Variants in N4BP2 observed in about 807,000 individuals in gnomAD.
N4BP2 encodes NEDD4-binding protein 2.
Under a neutral mutation model 152.8 loss-of-function variants are expected in N4BP2, and 91 were observed. The observed-to-expected ratio is 0.60, with a 90% confidence interval of 0.50 to 0.71. N4BP2 has a LOEUF of 0.71. N4BP2 is among the 30% of genes least tolerant of loss of function. N4BP2 has a pLI of 0.00. For synonymous variants in N4BP2, 646 were observed against 705.3 expected, an observed-to-expected ratio of 0.92 and a Z score of 1.33; for missense variants, 1,923 against 2,059.1, an observed-to-expected ratio of 0.93 and a Z score of 1.28.
chr4:40,171,982 C>A, the N4BP2 span, among the ~76,000 whole-genome samples: 2 of 152,222 alleles, frequency 1.3e-5, no homozygotes. Context: ...TCTCAGCTCA[C>A]TGCAACCTCC....
At chr4:40,075,885 GCTTT>G (rs1712679188) in intron 2 of N4BP2, among the ~76,000 whole-genome samples, 1 of 152,144 alleles carries the variant, frequency 6.6e-6, no homozygotes, top group African/African-American at 2.4e-5. Flanking sequence ...GGAGTGCAGT[GCTTT>G]GATTACTGCC....
intron 1 of N4BP2, among the ~76,000 whole-genome samples, chr4:40,065,268 G>A (rs904975348): frequency 3.3e-5 from 5 of 152,174 alleles, no homozygotes; most frequent in African/African-American, 7.2e-5. Flanking sequence ...GCTATAGAGA[G>A]TCATTGAAGG....
chr4:40,127,134 C>T (rs1718481097), intron 12 of N4BP2, among the ~76,000 whole-genome samples: 1 of 151,590 alleles, frequency 6.6e-6, no homozygotes, highest in Admixed American at 6.6e-5. Flanking sequence ...AGTGATTCAC[C>T]TGCCTTGCCC....
At chr4:40,075,508 C>T (rs1285416508) in intron 2 of N4BP2, among the ~76,000 whole-genome samples, 2 of 152,088 alleles carry the variant, frequency 1.3e-5, no homozygotes, top group African/African-American at 4.8e-5. Flanking sequence ...AGTGATTCTT[C>T]TGCCTCAGCC....
chr4:40,122,451 G>T, intron 9 of N4BP2, 142 bp downstream of exon 9: 2 of 459,024 alleles, frequency 4.4e-6, no homozygotes, highest in East Asian at 6.7e-5. Flanking sequence ...TTGGCTCACT[G>T]CAACCTCTGC....
intron 14 of N4BP2, among the ~76,000 whole-genome samples, chr4:40,140,717 C>T (rs920318084): frequency 4.4e-4 from 67 of 151,644 alleles, no homozygotes; most frequent in African/African-American, 1.4e-3. Flanking sequence ...TCTGGTTTTC[C>T]TAGGCAGAGG....
rs561046120 is a variant in N4BP2 at position 40,120,544 on chromosome 4, A to G, written c.2433A>G (p.Ser811=). The change falls in exon 9 of 18, where the codon TCA becomes TCG. Residue 811 remains serine (S), a synonymous_variant. Coordinates refer to ENST00000261435, the MANE Select transcript of N4BP2 (RefSeq NM_018177.6). ...TKRNRKTEKT[S]SVQSDKKYNY... is the part of the protein sequence containing the mutation. ...GGAACAGAAAAACTGAAAAAACTTCATCCGTACAAAGCGACAAAAAGTATA... is the reference window on the plus strand; with the variant it reads ...GGAACAGAAAAACTGAAAAAACTTCGTCCGTACAAAGCGACAAAAAGTATA... The G allele has an allele frequency of 1.2e-6, 2 of 1,614,008 alleles. No homozygotes were observed. Among genetic ancestry groups the G allele is most frequent in the African/African-American group, 1.3e-5 (1 of 75,046 alleles).
intron 15 of N4BP2, among the ~76,000 whole-genome samples, chr4:40,143,311 T>C (rs559030941): frequency 3.2e-4 from 48 of 152,130 alleles, no homozygotes; most frequent in Non-Finnish European, 6.0e-4. Context: ...GAACTTGCTT[T>C]ATTTATTTAT....
At chr4:40,131,985 T>G in intron 13 of N4BP2, 66 bp downstream of exon 13, 1 of 997,758 alleles carries the variant, frequency 1.0e-6, no homozygotes, top group Non-Finnish European at 1.6e-6. Context: ...GCCATGTTTA[T>G]TTTTCTGATA....
At chr4:40,149,597 TAAG>T (rs1315813621) in intron 16 of N4BP2, among the ~76,000 whole-genome samples, 2 of 152,078 alleles carry the variant, frequency 1.3e-5, no homozygotes, top group Non-Finnish European at 2.9e-5. Flanking sequence ...AAAAAAATTG[TAAG>T]AAGAGAAAAA....
chr4:40,184,983 A>AAATG, the N4BP2 span, among the ~76,000 whole-genome samples: 1 of 151,406 alleles, frequency 6.6e-6, no homozygotes, highest in Non-Finnish European at 1.5e-5. Context: ...ATAAATAAAT[A>AAATG]AAATAAAAAA....
the N4BP2 span, among the ~76,000 whole-genome samples, chr4:40,190,028 TC>T: frequency 6.6e-6 from 1 of 152,220 alleles, no homozygotes; most frequent in Non-Finnish European, 1.5e-5. Flanking sequence ...TGAAGGACTT[TC>T]CTGACCATCC....
At chr4:40,088,540 G>T (rs1003120767) in intron 2 of N4BP2, among the ~76,000 whole-genome samples, 3 of 141,620 alleles carry the variant, frequency 2.1e-5, no homozygotes, top group Non-Finnish European at 4.6e-5. Flanking sequence ...CGCTCTTGTT[G>T]CCCGGGCTGG....
downstream of N4BP2, among the ~76,000 whole-genome samples, chr4:40,160,879 G>A (rs1287006057): frequency 6.6e-6 from 1 of 152,106 alleles, no homozygotes; most frequent in Non-Finnish European, 1.5e-5. Flanking sequence ...GGGGTGGAGG[G>A]ACAGATGACA....
intron 1 of N4BP2, among the ~76,000 whole-genome samples, chr4:40,072,242 ATT>A (rs34754962): frequency 6.4e-4 from 75 of 117,530 alleles, no homozygotes; most frequent in East Asian, 1.6e-3. Flanking sequence ...TGCCTGGCTA[ATT>A]TTTTTTTTTT....
In N4BP2 at chr4:40,121,381, A is replaced by G. The variant is rs1414029811; in HGVS notation, c.3270A>G (p.Glu1090=). 1 of 1,613,116 alleles carries G rather than the reference A, an allele frequency of 6.2e-7. No individual in the cohort carries two copies. The highest frequency in any genetic ancestry group is 1.1e-5 in the South Asian group (1 of 90,932). The part of the protein sequence containing the change: ...ESELTSADES[E]NLNILCKLFG... ...AGCTTACCAGTGCAGATGAATCTGAAAATCTTAACATTCTTTGTAAACTGT... is the reference window on the plus strand; with the variant it reads ...AGCTTACCAGTGCAGATGAATCTGAGAATCTTAACATTCTTTGTAAACTGT... Residue 1090 remains glutamate (E), a synonymous_variant, in exon 9 of 18, where the codon GAA becomes GAG. Transcript: ENST00000261435.
chr4:40,092,399 AT>A (rs1220625605), intron 2 of N4BP2, among the ~76,000 whole-genome samples: 2 of 151,560 alleles, frequency 1.3e-5, no homozygotes, highest in Admixed American at 1.3e-4. Flanking sequence ...ACATTGGTCC[AT>A]TTCATATAAA....
At chr4:40,061,004 G>A (rs1271919970) in intron 1 of N4BP2, among the ~76,000 whole-genome samples, 2 of 151,580 alleles carry the variant, frequency 1.3e-5, no homozygotes, top group African/African-American at 2.4e-5. Context: ...AAATTGAGAC[G>A]GGGTGTTGCC....
Position 40,102,367 on chromosome 4 carries a change from TG to T in N4BP2, c.523del (p.Asp175ThrfsTer6), listed in dbSNP as rs1373752025. ...CTTCACAAGATGTTAATAGTTTTAA[TG>T]ACTCAAGTGAGTTTATAAATCCTGA... ...LPSQDVNSFN[D>X]SSEFINPDSS... is the part of the protein sequence containing the mutation. On this transcript the variant is annotated frameshift_variant, in exon 4 of 18. Coordinates refer to ENST00000261435, the MANE Select transcript of N4BP2 (RefSeq NM_018177.6). LOFTEE classifies it high-confidence loss of function. 6.2e-7 allele frequency: 1 copy of T among 1,613,046 alleles called. No homozygotes were observed. Among genetic ancestry groups the T allele is most frequent in the South Asian group, 1.1e-5 (1 of 90,924 alleles).
Sources: gnomAD v4.1 joint callset for allele counts (sites outside exome capture counted in the v4.1 genomes callset) on GRCh38, gnomAD v4.1.1 for gene constraint, MANE v1.5 for transcripts, NCBI Gene and HGNC (gene_info 2026-07-23, HGNC 2026-07-21) for gene names.